ADHFE1: variants seen among roughly 807,000 people sequenced by gnomAD.
The protein encoded by ADHFE1 is hydroxyacid-oxoacid transhydrogenase, mitochondrial.
In ADHFE1, 37 loss-of-function variants were observed where a neutral mutation model predicts 54.8. The observed-to-expected ratio is 0.68, with a 90% CI of 0.52 to 0.89. ADHFE1 has a LOEUF of 0.89. Ranked by LOEUF, ADHFE1 falls within the 40% of genes least tolerant of loss-of-function variation. The probability of loss-of-function intolerance (pLI) is 0.00; values close to 1 mark genes in which losing one functional copy is unlikely to be tolerated. For missense variants in ADHFE1, 601 were observed against 591.2 expected, an observed-to-expected ratio of 1.02 and a Z score of -0.17; for synonymous variants, 203 against 229.3, an observed-to-expected ratio of 0.89 and a Z score of 1.04.
rs536308401 is a variant in ADHFE1 at position 66,446,583 on chromosome 8, A to G, written c.551-681A>G. On this transcript the variant is annotated intron_variant, in intron 6 of 13. Coordinates refer to ENST00000396623, the MANE Select transcript of ADHFE1 (RefSeq NM_144650.3). ...CATACATGCATGTTAACACAGGTAC[A>G]GAGATCACATGCACATTAAACACAC... Among the ~76,000 whole-genome samples, 283 of 152,356 alleles carry G rather than the reference A, an allele frequency of 1.9e-3. 1 individual carries two copies. The highest frequency in any genetic ancestry group is 6.5e-3 in the African/African-American group (271 of 41,574).
chr8:66,450,453 G>A (rs1389274570), intron 8 of ADHFE1, among the ~76,000 whole-genome samples: 1 of 152,248 alleles, frequency 6.6e-6, no homozygotes, highest in Non-Finnish European at 1.5e-5. Context: ...CCAGTGGCCT[G>A]TTCTGAAGGT....
intron 13 of ADHFE1, among the ~76,000 whole-genome samples, chr8:66,462,798 C>T (rs1806972194): frequency 6.6e-6 from 1 of 152,140 alleles, no homozygotes. Flanking sequence ...CTACTGTGGT[C>T]AGACTGTCAC....
rs138787573 is a variant in ADHFE1, at chr8:66,439,129, C to T, written c.60-1033C>T. Reference sequence around the variant, plus strand: ...ACTCGCGCCAGCTCTCACTCGCCCCCGCGTCTGCTTTGACTTCGCAGTTCG... The same window carrying T: ...ACTCGCGCCAGCTCTCACTCGCCCCTGCGTCTGCTTTGACTTCGCAGTTCG... On this transcript the variant is annotated intron_variant, in intron 1 of 13. Coordinates refer to ENST00000396623, the MANE Select transcript of ADHFE1 (RefSeq NM_144650.3). The surrounding 1 kb of genome is among the most constrained non-coding windows in gnomAD (Gnocchi z 4.4). 1 of 946,322 alleles carries T rather than the reference C, an allele frequency of 1.1e-6. No homozygotes were observed. Among genetic ancestry groups the T allele is most frequent in the African/African-American group, 1.8e-5 (1 of 56,506 alleles). The allele number at this position is 946,322 out of a possible 1,614,324, so 58.6% of individuals were successfully genotyped here.
At chr8:66,445,436 G>T in intron 6 of ADHFE1, 22 bp downstream of exon 6, 2 of 1,578,088 alleles carry the variant, frequency 1.3e-6, no homozygotes, top group Non-Finnish European at 8.6e-7. Flanking sequence ...TTATTTCTTT[G>T]TTTGTTTTAT....
At chr8:66,454,232 C>A in intron 10 of ADHFE1, 75 bp downstream of exon 10, 1 of 1,445,034 alleles carries the variant, frequency 6.9e-7, no homozygotes, top group Non-Finnish European at 9.5e-7. Flanking sequence ...TAATTCAGGA[C>A]AGGTGGTAAA....
intron 6 of ADHFE1, among the ~76,000 whole-genome samples, chr8:66,446,991 G>T (rs935534562): frequency 1.3e-5 from 2 of 152,182 alleles, no homozygotes; most frequent in Non-Finnish European, 2.9e-5. Context: ...ATGCATGCCT[G>T]TTAATGCAGA....
At chr8:66,449,154 C>T (rs932779272) in intron 8 of ADHFE1, among the ~76,000 whole-genome samples, 184 bp downstream of exon 8, 3 of 152,230 alleles carry the variant, frequency 2.0e-5, no homozygotes, top group Admixed American at 6.5e-5. Flanking sequence ...TAGGTGACAT[C>T]TGGTGTGGGC....
At chr8:66,442,578 T>C (rs940189500) in intron 2 of ADHFE1, among the ~76,000 whole-genome samples, 4 of 152,176 alleles carry the variant, frequency 2.6e-5, no homozygotes, top group African/African-American at 9.7e-5. Flanking sequence ...CCCAAAGTGC[T>C]GGGATTACAG....
At chr8:66,441,945 C>T (rs1805769085) in intron 2 of ADHFE1, among the ~76,000 whole-genome samples, 1 of 150,768 alleles carries the variant, frequency 6.6e-6, no homozygotes, top group African/African-American at 2.4e-5. Flanking sequence ...GCACTCTAGC[C>T]TGGGTGACAG....
At chr8:66,448,795 C>A in intron 7 of ADHFE1, 70 bp from the exon 8 acceptor site, 1 of 1,321,608 alleles carries the variant, frequency 7.6e-7, no homozygotes, top group South Asian at 1.2e-5. Context: ...GATTTATTAT[C>A]CTGAAGTCAT....
At chr8:66,436,772 C>T (rs953911526) in intron 1 of ADHFE1, among the ~76,000 whole-genome samples, 1 of 152,120 alleles carries the variant, frequency 6.6e-6, no homozygotes, top group Non-Finnish European at 1.5e-5. Flanking sequence ...AGAAAAAGTT[C>T]CAGGACTGAC....
chr8:66,438,765 T>C (rs1171745931), intron 1 of ADHFE1, among the ~76,000 whole-genome samples: 1 of 150,548 alleles, frequency 6.6e-6, no homozygotes, highest in Non-Finnish European at 1.5e-5. Context: ...GACTAGGAAA[T>C]ACAGGACAGG....
intron 10 of ADHFE1, among the ~76,000 whole-genome samples, chr8:66,455,633 A>G (rs1032383439): frequency 6.6e-6 from 1 of 152,218 alleles, no homozygotes; most frequent in African/African-American, 2.4e-5. Context: ...AGAAATACCC[A>G]TGGCTGGGCA....
intron 6 of ADHFE1, among the ~76,000 whole-genome samples, chr8:66,446,861 A>G (rs1586456490): frequency 1.3e-5 from 2 of 152,356 alleles, no homozygotes; most frequent in African/African-American, 2.4e-5. Context: ...TGCATATTAA[A>G]CAACATAAAC....
At chr8:66,464,656 T>C (rs1257140545) in intron 13 of ADHFE1, among the ~76,000 whole-genome samples, 1 of 152,146 alleles carries the variant, frequency 6.6e-6, no homozygotes, top group African/African-American at 2.4e-5. Context: ...CTCTCATCTG[T>C]CCCTCTATCC....
intron 8 of ADHFE1, among the ~76,000 whole-genome samples, chr8:66,449,477 C>T (rs553354891): frequency 6.6e-6 from 1 of 152,352 alleles, no homozygotes; most frequent in Admixed American, 6.5e-5. Flanking sequence ...ACCTCACATA[C>T]ATCACTTCAC....
chr8:66,453,892 A>T, intron 9 of ADHFE1, 167 bp from the exon 10 acceptor site: 1 of 1,511,748 alleles, frequency 6.6e-7, no homozygotes, highest in Non-Finnish European at 8.9e-7. Context: ...GTTTCCCTTC[A>T]GTTTTCATTT....
chr8:66,467,541 A>G (rs1807261556), intron 13 of ADHFE1, among the ~76,000 whole-genome samples: 1 of 152,126 alleles, frequency 6.6e-6, no homozygotes, highest in African/African-American at 2.4e-5. Flanking sequence ...TACACTCCCA[A>G]ACACATGCCA....
In ADHFE1 at chr8:66,442,842, G is replaced by C. The variant is rs768488819; in HGVS notation, c.142G>C (p.Glu48Gln). The change falls in exon 3 of 14, where the codon GAG becomes CAG. Residue 48 changes from glutamate (E) to glutamine (Q), a missense_variant and splice_region_variant. By Grantham distance (29) the Glu-to-Gln change is conservative (BLOSUM62 2). Coordinates refer to ENST00000396623, the MANE Select transcript of ADHFE1 (RefSeq NM_144650.3). ...TGGGAAAACAACAGATTATGCCTTT[G>C]AGGTATATTCACTCAATCCATTATT... ...PSGKTTDYAF[E>Q]MAVSNIRYGA... is the part of the protein sequence containing the mutation. 1.3e-6 allele frequency: 2 copies of C among 1,591,198 alleles called. No individual in the cohort carries two copies. The highest frequency in any genetic ancestry group is 2.3e-5 in the East Asian group (1 of 43,770).
Sources: allele counts gnomAD v4.1 joint callset (sites outside exome capture counted in the v4.1 genomes callset), GRCh38; gene constraint gnomAD v4.1.1; non-coding constraint Gnocchi (gnomAD v3.1); transcripts MANE v1.5; gene names NCBI Gene and HGNC (gene_info 2026-07-23, HGNC 2026-07-21).